Variants in HAO1 observed in about 807,000 individuals in gnomAD.
HAO1 encodes 2-Hydroxyacid oxidase 1.
In HAO1, 34 loss-of-function variants were observed where a neutral mutation model predicts 39.7. The observed-to-expected ratio is 0.86, with a 90% CI of 0.65 to 1.14. The LOEUF (loss-of-function observed/expected upper bound fraction) is 1.14. Among genes scored for constraint, HAO1 ranks in the 50% most tolerant of loss-of-function variants. The probability of loss-of-function intolerance (pLI) is 0.00; values close to 1 mark genes in which losing one functional copy is unlikely to be tolerated. For missense variants in HAO1, 479 were observed against 464.5 expected, an observed-to-expected ratio of 1.03 and a Z score of -0.29; for synonymous variants, 172 against 173.2, an observed-to-expected ratio of 0.99 and a Z score of 0.05.
intron 2 of HAO1, 25 bp downstream of exon 2, chr20:7,934,459 C>T (rs149183785): frequency 1.3e-6 from 2 of 1,593,014 alleles, no homozygotes; most frequent in East Asian, 2.3e-5. Context: ...TCCTTCTGTC[C>T]CTGTGGTGAC....
At chr20:7,903,665 G>GGT in intron 4 of HAO1, among the ~76,000 whole-genome samples, 2 of 150,392 alleles carry the variant, frequency 1.3e-5, no homozygotes, top group South Asian at 2.1e-4. Context: ...TGGTGGTGGT[G>GGT]GCAGTGGTGG....
intron 2 of HAO1, among the ~76,000 whole-genome samples, chr20:7,922,369 T>G (rs772460945): frequency 5.3e-5 from 8 of 152,104 alleles, no homozygotes; most frequent in Non-Finnish European, 8.8e-5. Flanking sequence ...GTCAGGAATG[T>G]AAGTTAGTAC....
intron 2 of HAO1, among the ~76,000 whole-genome samples, chr20:7,932,175 T>C (rs1030241964): frequency 6.6e-6 from 1 of 152,122 alleles, no homozygotes; most frequent in Non-Finnish European, 1.5e-5. Flanking sequence ...GGTCGTTCCT[T>C]CCCCTTTGCC....
chr20:7,933,513 T>A (rs1472609270), intron 2 of HAO1, among the ~76,000 whole-genome samples: 1 of 152,186 alleles, frequency 6.6e-6, no homozygotes, highest in Non-Finnish European at 1.5e-5. Flanking sequence ...AAGCCACTTA[T>A]TTGTATGTGG....
At chr20:7,888,617 G>C (rs2050160821) in intron 5 of HAO1, among the ~76,000 whole-genome samples, 1 of 152,086 alleles carries the variant, frequency 6.6e-6, no homozygotes, top group African/African-American at 2.4e-5. Context: ...GCCCTAAGGG[G>C]CTTTTCCTAA....
intron 3 of HAO1, among the ~76,000 whole-genome samples, chr20:7,908,394 A>T (rs978435814): frequency 3.8e-5 from 4 of 105,562 alleles, no homozygotes; most frequent in Non-Finnish European, 5.6e-5. Context: ...GTCTCAAAAT[A>T]AAAAAAAAAA....
At position 7,934,503 on chromosome 20, in the gene HAO1, G is replaced by A. The variant is rs781768356; in HGVS notation, c.270C>T (p.Gly90=). The A allele has an allele frequency of 1.4e-5, 23 of 1,611,024 alleles. No individual in the cohort carries two copies. Among genetic ancestry groups the A allele is most frequent in the African/African-American group, 6.7e-5 (5 of 74,750 alleles). ...TCCTACCTCTCACAGTGGCAAGCTC[G>A]CCGTCCACATGAGCCATGCGCTGCA... is the stretch of plus-strand genomic sequence containing the variant. The part of the protein sequence containing the change: ...TAMQRMAHVD[G]ELATVRACQS... The change falls in exon 2 of 8, where the codon GGC becomes GGT. Residue 90 remains glycine (G), a synonymous_variant. Transcript: ENST00000378789.
intron 2 of HAO1, among the ~76,000 whole-genome samples, chr20:7,916,538 AC>A (rs2050307841): frequency 6.6e-6 from 1 of 152,286 alleles, no homozygotes; most frequent in African/African-American, 2.4e-5. Flanking sequence ...TCTGGGTCCC[AC>A]CCACAGAGCT....
intron 4 of HAO1, among the ~76,000 whole-genome samples, chr20:7,901,795 T>A (rs1346250942): frequency 6.6e-6 from 1 of 152,182 alleles, no homozygotes; most frequent in East Asian, 1.9e-4. Context: ...TGGAAAGGAT[T>A]CACCATCTAG....
At chr20:7,912,283 G>T (rs888994221) in intron 3 of HAO1, among the ~76,000 whole-genome samples, 1 of 152,136 alleles carries the variant, frequency 6.6e-6, no homozygotes, top group African/African-American at 2.4e-5. Context: ...AGTAGCCCCA[G>T]CAGTGAAGAA....
intron 2 of HAO1, among the ~76,000 whole-genome samples, chr20:7,922,891 T>C (rs987970923): frequency 6.6e-6 from 1 of 152,088 alleles, no homozygotes; most frequent in Admixed American, 6.6e-5. Context: ...TATCATCCAT[T>C]CCCCCCACTC....
intron 4 of HAO1, among the ~76,000 whole-genome samples, chr20:7,899,820 T>C (rs944861193): frequency 2.0e-5 from 3 of 152,218 alleles, no homozygotes; most frequent in African/African-American, 7.2e-5. Context: ...ATCTTGGATA[T>C]TTTTATTAAT....
intron 1 of HAO1, 151 bp from the exon 2 acceptor site, chr20:7,934,786 A>G (rs1242142029): frequency 7.4e-6 from 4 of 537,238 alleles, no homozygotes; most frequent in Admixed American, 3.6e-5. Context: ...AAAAGAGGCA[A>G]TTTTACTGTT....
intron 2 of HAO1, among the ~76,000 whole-genome samples, chr20:7,923,832 A>G (rs977250634): frequency 6.6e-6 from 1 of 152,162 alleles, no homozygotes; most frequent in Admixed American, 6.6e-5. Context: ...CAAGGACCAT[A>G]CTTTGAGAAC....
At chr20:7,931,320 T>A (rs992100316) in intron 2 of HAO1, among the ~76,000 whole-genome samples, 3 of 152,168 alleles carry the variant, frequency 2.0e-5, no homozygotes, top group Non-Finnish European at 4.4e-5. Flanking sequence ...CCTAAAACTA[T>A]AATTACTTCT....
chr20:7,933,937 T>C (rs563056068), intron 2 of HAO1, among the ~76,000 whole-genome samples: 16 of 152,304 alleles, frequency 1.1e-4, no homozygotes, highest in South Asian at 2.1e-4. Context: ...AAAAGAATCA[T>C]GACCCAAAAC....
intron 4 of HAO1, among the ~76,000 whole-genome samples, chr20:7,900,193 T>C (rs533187232): frequency 9.2e-5 from 14 of 152,280 alleles, no homozygotes; most frequent in African/African-American, 3.4e-4. Context: ...CCTTGTTTTA[T>C]TGCACTTTGC....
chr20:7,922,628 A>G (rs932096143), intron 2 of HAO1, among the ~76,000 whole-genome samples: 3 of 152,116 alleles, frequency 2.0e-5, no homozygotes, highest in African/African-American at 7.2e-5. Flanking sequence ...TGGAACAAAT[A>G]ATCCAAGAAG....
intron 4 of HAO1, among the ~76,000 whole-genome samples, chr20:7,898,994 T>C (rs2050209677): frequency 6.6e-6 from 1 of 152,016 alleles, no homozygotes; most frequent in Non-Finnish European, 1.5e-5. Context: ...TGGTATTTTT[T>C]CAAACCTCGT....
Sources: gnomAD v4.1 joint callset for allele counts (sites outside exome capture counted in the v4.1 genomes callset) on GRCh38, gnomAD v4.1.1 for gene constraint, MANE v1.5 for transcripts, NCBI Gene and HGNC (gene_info 2026-07-23, HGNC 2026-07-21) for gene names.